Variants in SLC27A2 observed in about 807,000 individuals in gnomAD.
SLC27A2 encodes long-chain fatty acid transport protein 2.
In SLC27A2, 54 loss-of-function variants were observed where a neutral mutation model predicts 60.0. That is an observed-to-expected ratio of 0.90 (90% CI 0.72 to 1.13). The LOEUF (loss-of-function observed/expected upper bound fraction) is 1.13. SLC27A2 is among the 50% of genes most tolerant of loss of function. The pLI is 0.00. For missense variants in SLC27A2, 739 were observed against 777.6 expected, an observed-to-expected ratio of 0.95 and a Z score of 0.59; for synonymous variants, 297 against 297.6, an observed-to-expected ratio of 1.00 and a Z score of 0.02.
chr15:50,196,113 T>A lies in SLC27A2; in HGVS notation c.479-1387T>A, dbSNP rs1488735091. On this transcript the variant is annotated intron_variant, in intron 1 of 9. Transcript: ENST00000267842. ...ATATATATATATATATATATATATA[T>A]ATATATATATATGTATGTACATTCA... Among the ~76,000 whole-genome samples, 48 of 93,506 alleles carry A rather than the reference T, an allele frequency of 5.1e-4. 1 individual carries two copies. Among genetic ancestry groups the A allele is most frequent in the Non-Finnish European group, 8.6e-4 (41 of 47,748 alleles). 61.3% of individuals were successfully genotyped at this position (93,506 alleles called of 152,430 possible).
At position 50,233,941 on chromosome 15, in the gene SLC27A2, T is replaced by A; in HGVS notation, c.1629T>A (p.Phe543Leu). The A allele has an allele frequency of 6.2e-7, 1 of 1,613,998 alleles. No homozygotes were observed. Among genetic ancestry groups the A allele is most frequent in the Non-Finnish European group, 8.5e-7 (1 of 1,179,868 alleles). Residue 543 changes from phenylalanine to leucine, a missense_variant, in exon 9 of 10, where the codon TTT becomes TTA. Phe to Leu is a conservative substitution (Grantham distance 22, BLOSUM62 0). Coordinates refer to ENST00000267842, the MANE Select transcript of SLC27A2 (RefSeq NM_003645.4). ...ATGAATTTGATGGAAAGAAACTCTT[T>A]CAGCACATTGCTGATTACCTACCTA... is the stretch of plus-strand genomic sequence containing the variant. ...ENHEFDGKKLFQHIADYLPSY... is the reference protein window; with the variant it reads ...ENHEFDGKKLLQHIADYLPSY...
At chr15:50,201,358 G>A (rs1240318066) in intron 2 of SLC27A2, among the ~76,000 whole-genome samples, 3 of 152,088 alleles carry the variant, frequency 2.0e-5, no homozygotes, top group African/African-American at 4.8e-5. Flanking sequence ...CCACGTGGAC[G>A]AGCTTCTTCA....
intron 8 of SLC27A2, among the ~76,000 whole-genome samples, chr15:50,231,175 G>A (rs943151251): frequency 1.1e-4 from 15 of 135,136 alleles, no homozygotes; most frequent in African/African-American, 2.0e-4. Flanking sequence ...ACGGAGTTTC[G>A]CTCTCGTTGC....
intron 1 of SLC27A2, among the ~76,000 whole-genome samples, chr15:50,194,072 G>A (rs2044995005): frequency 6.6e-6 from 1 of 152,140 alleles, no homozygotes; most frequent in Non-Finnish European, 1.5e-5. Context: ...CTTGAGCCCA[G>A]GAGGTTGACG....
At chr15:50,202,379 G>A (rs2045071689) in intron 2 of SLC27A2, 108 bp from the exon 3 acceptor site, 7 of 1,123,614 alleles carry the variant, frequency 6.2e-6, no homozygotes, top group Non-Finnish European at 1.3e-6. Context: ...CCTTCCCAGT[G>A]CAATTCTCAA....
At chr15:50,215,880 A>T (rs1452443998) in intron 4 of SLC27A2, among the ~76,000 whole-genome samples, 1 of 152,180 alleles carries the variant, frequency 6.6e-6, no homozygotes. Context: ...CATTGGAAAA[A>T]CCCTTCTAGA....
chr15:50,223,297 T>G, intron 5 of SLC27A2, 138 bp downstream of exon 5: 1 of 573,406 alleles, frequency 1.7e-6, no homozygotes. Flanking sequence ...AAGAGAAGTT[T>G]TGCTCATTCT....
intron 2 of SLC27A2, among the ~76,000 whole-genome samples, chr15:50,201,746 G>A (rs1342401452): frequency 2.0e-5 from 3 of 152,096 alleles, no homozygotes; most frequent in Non-Finnish European, 2.9e-5. Flanking sequence ...TAGTAGAGAC[G>A]GGGTTTCACC....
intron 4 of SLC27A2, among the ~76,000 whole-genome samples, chr15:50,219,313 G>A (rs529885013): frequency 6.6e-6 from 1 of 152,336 alleles, no homozygotes; most frequent in South Asian, 2.1e-4. Flanking sequence ...AACTGGGGGT[G>A]AAGGGTGGGA....
At chr15:50,200,485 G>A (rs2045055675) in intron 2 of SLC27A2, among the ~76,000 whole-genome samples, 2 of 152,068 alleles carry the variant, frequency 1.3e-5, no homozygotes, top group South Asian at 4.1e-4. Context: ...CAAAGAAAAT[G>A]AATTTTGAAT....
Position 50,223,050 on chromosome 15 carries a change from T to G in SLC27A2, c.1058T>G (p.Phe353Cys). 6.2e-7 allele frequency: 1 copy of G among 1,613,978 alleles called. No individual in the cohort carries two copies. Among genetic ancestry groups the G allele is most frequent in the Non-Finnish European group, 8.5e-7 (1 of 1,179,926 alleles). ...GTGTGGAGACAATTTGTCAAGAGAT[T>G]TGGGGACATATGCATCTATGAGTTC... The part of the protein sequence containing the change: ...GDVWRQFVKR[F>C]GDICIYEFYA... The change falls in exon 5 of 10, where the codon TTT (phenylalanine) becomes TGT (cysteine). Residue 353 changes from phenylalanine to cysteine, a missense_variant. Coordinates refer to ENST00000267842, the MANE Select transcript of SLC27A2 (RefSeq NM_003645.4).
chr15:50,205,126 T>G, intron 3 of SLC27A2, 113 bp from the exon 4 acceptor site: 1 of 1,325,700 alleles, frequency 7.5e-7, no homozygotes, highest in Non-Finnish European at 1.0e-6. Context: ...AATACTTGTT[T>G]GCAAATATAA....
intron 6 of SLC27A2, among the ~76,000 whole-genome samples, chr15:50,226,444 A>C (rs1159559049): frequency 1.3e-5 from 2 of 152,216 alleles, no homozygotes; most frequent in Admixed American, 6.5e-5. Flanking sequence ...CAGTAAAAGA[A>C]TTACAGGCCA....
At chr15:50,232,829 T>C (rs1196207168) in intron 8 of SLC27A2, among the ~76,000 whole-genome samples, 1 of 152,156 alleles carries the variant, frequency 6.6e-6, no homozygotes, top group East Asian at 1.9e-4. Flanking sequence ...GGGGCATCTT[T>C]TTTTCCTTTT....
At chr15:50,189,084 A>G (rs1331218600) in intron 1 of SLC27A2, among the ~76,000 whole-genome samples, 2 of 152,222 alleles carry the variant, frequency 1.3e-5, no homozygotes, top group Admixed American at 6.5e-5. Flanking sequence ...TGTCTGTTGA[A>G]TTAATGGGTT....
chr15:50,187,193 T>A (rs2044931715), intron 1 of SLC27A2, among the ~76,000 whole-genome samples: 1 of 152,210 alleles, frequency 6.6e-6, no homozygotes, highest in Non-Finnish European at 1.5e-5. Flanking sequence ...GCAGCACTGT[T>A]TCCCAGAGAA....
rs1224378694 is a variant in SLC27A2 at position 50,226,060 on chromosome 15, T to C, written c.1240T>C (p.Cys414Arg). The C allele has an allele frequency of 6.2e-7, 1 of 1,608,436 alleles. No homozygotes were observed. Among genetic ancestry groups the C allele is most frequent in the African/African-American group, 1.3e-5 (1 of 74,838 alleles). ...ACCTGTCCGTGATGAAAATGGATAT[T>C]GCGTCAGAGTTCCCAAAGGTACAGT... is the stretch of plus-strand genomic sequence containing the variant. Reference protein sequence around the residue: ...DEPVRDENGYCVRVPKGEVGL... With the variant: ...DEPVRDENGYRVRVPKGEVGL... Residue 414 changes from cysteine to arginine, a missense_variant, in exon 6 of 10, where the codon TGC becomes CGC. By Grantham distance (180) the Cys-to-Arg change is radical. Coordinates refer to ENST00000267842, the MANE Select transcript of SLC27A2 (RefSeq NM_003645.4).
At chr15:50,228,168 A>G (rs1420403528) in intron 7 of SLC27A2, among the ~76,000 whole-genome samples, 1 of 152,174 alleles carries the variant, frequency 6.6e-6, no homozygotes, top group African/African-American at 2.4e-5. Flanking sequence ...ACCTGAGGTC[A>G]GGAGTTCCAG....
chr15:50,227,597 C>G (rs2045287261), intron 7 of SLC27A2, among the ~76,000 whole-genome samples: 1 of 152,154 alleles, frequency 6.6e-6, no homozygotes, highest in Non-Finnish European at 1.5e-5. Flanking sequence ...GCCCCTTCCC[C>G]CAACCCCTTT....
Sources: gnomAD v4.1 joint callset for allele counts (sites outside exome capture counted in the v4.1 genomes callset) on GRCh38, gnomAD v4.1.1 for gene constraint, MANE v1.5 for transcripts, NCBI Gene and HGNC (gene_info 2026-07-23, HGNC 2026-07-21) for gene names.